PTPRO: variants seen among roughly 807,000 people sequenced by gnomAD.
The protein encoded by PTPRO is receptor-type tyrosine-protein phosphatase O.
In PTPRO, 62 loss-of-function variants were observed where a neutral mutation model predicts 145.2. That is an observed-to-expected ratio of 0.43 (90% CI 0.35 to 0.53). The LOEUF (loss-of-function observed/expected upper bound fraction) is 0.53, where lower values mean the gene tolerates loss of function less well. PTPRO is among the 20% of genes least tolerant of loss of function. The pLI, the probability that PTPRO is intolerant of heterozygous loss-of-function variation, is 0.01. For missense variants in PTPRO, 1,345 were observed against 1,482.7 expected (o/e 0.91, Z 1.53); for synonymous variants, 565 against 514.7 (o/e 1.10, Z -1.32).
intron 22 of PTPRO, among the ~76,000 whole-genome samples, chr12:15,581,178 A>C (rs1001023277): frequency 3.9e-5 from 6 of 152,202 alleles, no homozygotes; most frequent in Admixed American, 6.5e-5. Context: ...TCAGAGTCCC[A>C]ACAGGCTGTT....
chr12:15,407,142 C>T (rs991482904), intron 1 of PTPRO, among the ~76,000 whole-genome samples: 6 of 152,160 alleles, frequency 3.9e-5, no homozygotes, highest in African/African-American at 1.2e-4. Flanking sequence ...GCTCTGGACC[C>T]CTCGTTGTTT....
At chr12:15,379,970 G>T (rs1035735608) in intron 1 of PTPRO, among the ~76,000 whole-genome samples, 2 of 151,962 alleles carry the variant, frequency 1.3e-5, no homozygotes, top group Admixed American at 1.3e-4. Flanking sequence ...TAAAACAACT[G>T]GTTTTAATTT....
At chr12:15,404,916 G>A (rs988984576) in intron 1 of PTPRO, among the ~76,000 whole-genome samples, 1 of 152,164 alleles carries the variant, frequency 6.6e-6, no homozygotes, top group African/African-American at 2.4e-5. Context: ...TCAAGGTGCT[G>A]GCCAGTTTGG....
intron 19 of PTPRO, among the ~76,000 whole-genome samples, chr12:15,572,708 T>C (rs1944082807): frequency 6.6e-6 from 1 of 152,162 alleles, no homozygotes; most frequent in South Asian, 2.1e-4. Flanking sequence ...AAAATAATCA[T>C]GTTCTGCTTT....
chr12:15,573,204 G>GT lies in PTPRO; in HGVS notation c.2829+3708dup, dbSNP rs1944099492. Among the ~76,000 whole-genome samples the GT allele has an allele frequency of 4.6e-5, 7 of 152,262 alleles. No homozygotes were observed. In the South Asian group the frequency reaches 1.5e-3, roughly 32 times the overall value. ...TGGCAGGCTGGAGATCCAAGGAAAAGTTGAGTTTGCAGTTTTGAGTTTGAA... is the reference window on the plus strand; with the variant it reads ...TGGCAGGCTGGAGATCCAAGGAAAAGTTTGAGTTTGCAGTTTTGAGTTTGAA... On this transcript the variant is annotated intron_variant, in intron 19 of 26. Coordinates refer to ENST00000281171, the MANE Select transcript of PTPRO (RefSeq NM_030667.3).
At chr12:15,469,482 G>A (rs1941490045) in intron 1 of PTPRO, among the ~76,000 whole-genome samples, 1 of 152,058 alleles carries the variant, frequency 6.6e-6, no homozygotes, top group South Asian at 2.1e-4. Context: ...CTGGGTTGTG[G>A]GCCGACCCCC....
chr12:15,571,510 A>G (rs923785208), intron 19 of PTPRO, among the ~76,000 whole-genome samples: 2 of 151,064 alleles, frequency 1.3e-5, no homozygotes, highest in African/African-American at 4.9e-5. Flanking sequence ...CTGGTCTCGA[A>G]CTCCTTACCT....
At chr12:15,388,309 T>A (rs1939087360) in intron 1 of PTPRO, among the ~76,000 whole-genome samples, 1 of 152,158 alleles carries the variant, frequency 6.6e-6, no homozygotes, top group Non-Finnish European at 1.5e-5. Context: ...TGCATATAAA[T>A]TTTATATACT....
intron 1 of PTPRO, among the ~76,000 whole-genome samples, chr12:15,424,892 G>A (rs1940241870): frequency 6.6e-6 from 1 of 152,094 alleles, no homozygotes; most frequent in Non-Finnish European, 1.5e-5. Flanking sequence ...GTCAGATTGT[G>A]AGGATGGCTC....
At chr12:15,509,894 A>C (rs1043218585) in intron 7 of PTPRO, among the ~76,000 whole-genome samples, 1 of 152,034 alleles carries the variant, frequency 6.6e-6, no homozygotes, top group Non-Finnish European at 1.5e-5. Context: ...AAACTGTGCA[A>C]CTGGAGCCCA....
At chr12:15,432,447 A>T (rs369856793) in intron 1 of PTPRO, among the ~76,000 whole-genome samples, 4 of 152,208 alleles carry the variant, frequency 2.6e-5, no homozygotes, top group African/African-American at 9.7e-5. Flanking sequence ...TACTGTCAAT[A>T]GTGCTGCAAT....
intron 1 of PTPRO, among the ~76,000 whole-genome samples, chr12:15,363,780 A>G (rs771487733): frequency 1.6e-4 from 24 of 152,134 alleles, no homozygotes; most frequent in Non-Finnish European, 2.9e-4. Context: ...TTGCAAAAAA[A>G]CGCTATCACT....
intron 1 of PTPRO, among the ~76,000 whole-genome samples, chr12:15,374,411 TA>T (rs59164483): frequency 0.15 from 22,230 of 152,076 alleles, 3,671 homozygotes; most frequent in African/African-American, 0.41. Context: ...TTTTATTTAT[TA>T]AAAAAACTGC....
chr12:15,501,087 A>G (rs1942212105), intron 4 of PTPRO, among the ~76,000 whole-genome samples: 1 of 152,218 alleles, frequency 6.6e-6, no homozygotes, highest in South Asian at 2.1e-4. Flanking sequence ...TTGAGTTTAT[A>G]TGTTTCATTT....
At chr12:15,410,693 T>G (rs1368414885) in intron 1 of PTPRO, 1 of 152,222 alleles carries the variant, frequency 6.6e-6, no homozygotes, top group Non-Finnish European at 1.5e-5. Context: ...CTAATGAAAA[T>G]GTAAGCATTG....
At chr12:15,424,979 C>G (rs1270673793) in intron 1 of PTPRO, among the ~76,000 whole-genome samples, 1 of 152,110 alleles carries the variant, frequency 6.6e-6, no homozygotes, top group African/African-American at 2.4e-5. Context: ...TATTTCACCG[C>G]TATTTAAATT....
intron 1 of PTPRO, among the ~76,000 whole-genome samples, chr12:15,338,590 T>C (rs1043475801): frequency 1.3e-5 from 2 of 152,100 alleles, no homozygotes; most frequent in Non-Finnish European, 2.9e-5. Flanking sequence ...TCCCACAACA[T>C]TGTTAAAGGC....
chr12:15,413,235 C>T (rs557071240), intron 1 of PTPRO, among the ~76,000 whole-genome samples: 9 of 151,902 alleles, frequency 5.9e-5, no homozygotes, highest in Admixed American at 1.3e-4. Context: ...GGACTACAGG[C>T]GCCTGCCACC....
intron 1 of PTPRO, among the ~76,000 whole-genome samples, chr12:15,394,257 C>G (rs1021245156): frequency 2.6e-5 from 4 of 152,090 alleles, no homozygotes; most frequent in African/African-American, 9.7e-5. Flanking sequence ...GTCCCAAAGA[C>G]TGTTTAGTGA....
Sources: gnomAD v4.1 joint callset for allele counts (sites outside exome capture counted in the v4.1 genomes callset) on GRCh38, gnomAD v4.1.1 for gene constraint, MANE v1.5 for transcripts, NCBI Gene and HGNC (gene_info 2026-07-23, HGNC 2026-07-21) for gene names.